Variants in STARD5 observed in about 807,000 individuals in gnomAD.
STARD5 encodes stAR-related lipid transfer protein 5.
STARD5 carries 26 observed loss-of-function variants against 24.6 expected under a neutral mutation model. That is an observed-to-expected ratio of 1.06 (90% CI 0.77 to 1.47). The LOEUF (loss-of-function observed/expected upper bound fraction) is 1.47, where lower values mean the gene tolerates loss of function less well. Among genes scored for constraint, STARD5 ranks in the 40% most tolerant of loss-of-function variants. The pLI, the probability that STARD5 is intolerant of heterozygous loss-of-function variation, is 0.00. For synonymous variants in STARD5, 101 were observed against 99.7 expected (o/e 1.01, Z -0.07); for missense variants, 254 against 270.8 (o/e 0.94, Z 0.44).
intron 5 of STARD5, among the ~76,000 whole-genome samples, chr15:81,316,279 G>T (rs986920578): frequency 6.6e-6 from 1 of 152,154 alleles, no homozygotes; most frequent in Admixed American, 6.5e-5. Context: ...GGCACTTAAC[G>T]TCTGATACTT....
At chr15:81,323,922 G>A (rs1184853717) in intron 1 of STARD5, 79 bp downstream of exon 1, 13 of 1,429,390 alleles carry the variant, frequency 9.1e-6, no homozygotes, top group Non-Finnish European at 1.1e-5. Flanking sequence ...ACGGGGAGAG[G>A]AGGCGCTTGG....
At position 81,313,327 on chromosome 15, in the gene STARD5, A is replaced by G. The variant is rs1464914185; in HGVS notation, c.571T>C (p.Ser191Pro). ...CGGGTCATGCTGCGGGGGAAGAAGG[A>G]GTCCACCACGTTCTGTGGGAGGTAA... ...SGYLPQNVVD[S>P]FFPRSMTRFY... The change falls in exon 6 of 6, where the codon TCC becomes CCC. Residue 191 changes from serine (S) to proline (P), a missense_variant. Transcript: ENST00000302824. 6.3e-7 allele frequency: 1 copy of G among 1,578,996 alleles called. No individual in the cohort carries two copies. Among genetic ancestry groups the G allele is most frequent in the Non-Finnish European group, 8.6e-7 (1 of 1,163,026 alleles).
chr15:81,321,721 G>T (rs35192917), intron 3 of STARD5, among the ~76,000 whole-genome samples: 1 of 151,900 alleles, frequency 6.6e-6, no homozygotes, highest in African/African-American at 2.4e-5. Context: ...AACATGTATT[G>T]TATTAGGATA....
chr15:81,321,552 G>A (rs1893292675), intron 3 of STARD5, among the ~76,000 whole-genome samples: 1 of 151,282 alleles, frequency 6.6e-6, no homozygotes, highest in African/African-American at 2.4e-5. Flanking sequence ...AGAGGCTGCA[G>A]TGAGCCAAGA....
intron 5 of STARD5, among the ~76,000 whole-genome samples, chr15:81,314,493 C>G (rs551318859): frequency 2.0e-5 from 3 of 152,236 alleles, no homozygotes; most frequent in African/African-American, 7.2e-5. Flanking sequence ...ACTGTCCACT[C>G]AGCCTCACCA....
rs1567052670 is a variant in STARD5 at position 81,311,197 on chromosome 15, G to A, written c.*2059C>T. ...GCAATGCCATCCTCAAACACTGCAG[G>A]CATCACAGCTAACAATTGTGAAGTC... On this transcript the variant is annotated 3_prime_UTR_variant, in exon 6 of 6. Coordinates refer to ENST00000302824, the MANE Select transcript of STARD5 (RefSeq NM_181900.3). 1 of 152,166 alleles carries A rather than the reference G, an allele frequency of 6.6e-6. No individual in the cohort carries two copies. Among genetic ancestry groups the A allele is most frequent in the East Asian group, 1.9e-4 (1 of 5,194 alleles). The allele number at this position is 152,166 out of a possible 1,614,324, so 9.4% of individuals were successfully genotyped here. A position where few individuals can be genotyped will look rare whatever the true frequency, so the allele number is the denominator to read the frequency against.
chr15:81,322,986 G>T, intron 1 of STARD5, 38 bp from the exon 2 acceptor site: 11 of 1,610,176 alleles, frequency 6.8e-6, no homozygotes, highest in Non-Finnish European at 9.3e-6. Flanking sequence ...TTTAGAGCTA[G>T]AAGGGCTCTG....
rs1900848026 is a variant in STARD5, at chr15:81,311,442, C to T, written c.*1814G>A. The T allele has an allele frequency of 6.6e-6, 1 of 152,272 alleles. No homozygotes were observed. The highest frequency in any genetic ancestry group is 6.5e-5 in the Admixed American group (1 of 15,286). The allele number at this position is 152,272 out of a possible 1,614,324, so 9.4% of individuals were successfully genotyped here. Reference sequence around the variant, plus strand: ...AGCACACTTGGCCCAAGTGGCAGAGCTTGGACTGGATGCATGTTTTCCAGC... The same window carrying T: ...AGCACACTTGGCCCAAGTGGCAGAGTTTGGACTGGATGCATGTTTTCCAGC... On this transcript the variant is annotated 3_prime_UTR_variant, in exon 6 of 6. Coordinates refer to ENST00000302824, the MANE Select transcript of STARD5 (RefSeq NM_181900.3).
At chr15:81,317,243 G>C (rs940892588) in intron 5 of STARD5, among the ~76,000 whole-genome samples, 1 of 149,354 alleles carries the variant, frequency 6.7e-6, no homozygotes, top group Non-Finnish European at 1.5e-5. Flanking sequence ...CCTGGCATGA[G>C]GGCGTGATGC....
chr15:81,323,070 G>A, intron 1 of STARD5, 122 bp from the exon 2 acceptor site: 1 of 1,038,620 alleles, frequency 9.6e-7, no homozygotes, highest in Non-Finnish European at 1.4e-6. Flanking sequence ...CCAAGGCTGT[G>A]CAACCCATAC....
At chr15:81,313,523 A>C in intron 5 of STARD5, 120 bp from the exon 6 acceptor site, 17 of 999,070 alleles carry the variant, frequency 1.7e-5, no homozygotes, top group Non-Finnish European at 2.1e-5. Context: ...ATCGCGTCTC[A>C]TCCCTTGCTG....
Position 81,322,541 on chromosome 15 carries a change from C to G in STARD5, c.150-1G>C, listed in dbSNP as rs1274406289. 2 of 1,613,970 alleles carry G rather than the reference C, an allele frequency of 1.2e-6. No homozygotes were observed. Among genetic ancestry groups the G allele is most frequent in the African/African-American group, 2.7e-5 (2 of 74,926 alleles). ...ATATACAATGCCTTCTCCTCGGTACCTGGAGCACGAAAAGGAATTTGACCC... is the reference window on the plus strand; with the variant it reads ...ATATACAATGCCTTCTCCTCGGTACGTGGAGCACGAAAAGGAATTTGACCC... On this transcript the variant is annotated splice_acceptor_variant, in intron 2 of 5. Transcript: ENST00000302824. LOFTEE classifies it high-confidence loss of function.
chr15:81,317,246 C>T (rs528647194), intron 5 of STARD5, among the ~76,000 whole-genome samples: 2 of 148,378 alleles, frequency 1.3e-5, no homozygotes, highest in South Asian at 2.2e-4. Context: ...GGCATGAGGG[C>T]GTGATGCTAC....
chr15:81,322,684 A>G (rs900505895), intron 2 of STARD5, 144 bp from the exon 3 acceptor site: 3 of 1,378,972 alleles, frequency 2.2e-6, no homozygotes, highest in African/African-American at 2.9e-5. Flanking sequence ...GAAAGTCACT[A>G]GCCCCGCCTC....
Position 81,309,834 on chromosome 15 carries a change from T to C in STARD5, c.*3422A>G, listed in dbSNP as rs1900762983. 1 of 152,280 alleles carries C rather than the reference T, an allele frequency of 6.6e-6. No individual in the cohort carries two copies. Among genetic ancestry groups the C allele is most frequent in the South Asian group, 2.1e-4 (1 of 4,838 alleles). The allele number at this position is 152,280 out of a possible 1,614,324, so 9.4% of individuals were successfully genotyped here. A position where few individuals can be genotyped will look rare whatever the true frequency, so the allele number is the denominator to read the frequency against. On this transcript the variant is annotated 3_prime_UTR_variant, in exon 6 of 6. Transcript: ENST00000302824. Reference sequence around the variant, plus strand: ...CATTGCCTTTAGTGATCACAGCAGCTTCTACGGTGTATGGTTCTGTGCCAA... The same window carrying C: ...CATTGCCTTTAGTGATCACAGCAGCCTCTACGGTGTATGGTTCTGTGCCAA...
intron 5 of STARD5, among the ~76,000 whole-genome samples, chr15:81,316,785 CT>C (rs1204089515): frequency 3.3e-5 from 5 of 152,178 alleles, no homozygotes; most frequent in Non-Finnish European, 7.3e-5. Flanking sequence ...TGGAAGAAAG[CT>C]TTACAGAGAA....
chr15:81,322,373 C>T, intron 3 of STARD5, 35 bp downstream of exon 3: 1 of 1,613,728 alleles, frequency 6.2e-7, no homozygotes, highest in Non-Finnish European at 8.5e-7. Context: ...CTGGCCCAGA[C>T]ACTATCTAGA....
At chr15:81,315,699 AC>A (rs1238969648) in intron 5 of STARD5, among the ~76,000 whole-genome samples, 2 of 151,066 alleles carry the variant, frequency 1.3e-5, no homozygotes, top group Admixed American at 6.6e-5. Context: ...ACACCACCTC[AC>A]CCCCAATGAG....
intron 5 of STARD5, among the ~76,000 whole-genome samples, chr15:81,314,612 C>T (rs984048676): frequency 4.6e-5 from 7 of 152,088 alleles, no homozygotes; most frequent in South Asian, 2.1e-4. Context: ...GGGCCAAGCA[C>T]GGTGGCTCAT....
Sources: gnomAD v4.1 joint callset for allele counts (sites outside exome capture counted in the v4.1 genomes callset) on GRCh38, gnomAD v4.1.1 for gene constraint, MANE v1.5 for transcripts, NCBI Gene and HGNC (gene_info 2026-07-23, HGNC 2026-07-21) for gene names.